The following DTNA variants were observed in gnomAD, a reference collection of about 807,000 sequenced individuals.
DTNA encodes dystrophin-related protein 3.
A neutral mutation model predicts 100.7 loss-of-function variants in DTNA; 43 were observed. That is an observed-to-expected ratio of 0.43 (90% confidence interval 0.33 to 0.55). The LOEUF (loss-of-function observed/expected upper bound fraction) is 0.55, where lower values mean the gene tolerates loss of function less well. Ranked by LOEUF, DTNA falls within the 20% of genes least tolerant of loss-of-function variation. The pLI, the probability that DTNA is intolerant of heterozygous loss-of-function variation, is 0.04. For missense variants in DTNA, 798 were observed against 953.9 expected (o/e 0.84, Z 2.15); for synonymous variants, 349 against 347.9 (o/e 1.00, Z -0.04).
intron 13 of DTNA, among the ~76,000 whole-genome samples, chr18:34,843,167 A>G (rs1021618596): frequency 2.0e-5 from 3 of 152,204 alleles, no homozygotes; most frequent in African/African-American, 7.2e-5. Context: ...AATCACTATT[A>G]TAGAGTAGCA....
At chr18:34,794,333 T>TTA in intron 4 of DTNA, 83 bp downstream of exon 4, 1 of 1,494,802 alleles carries the variant, frequency 6.7e-7, no homozygotes, top group Admixed American at 1.7e-5. Context: ...CCAAACAATT[T>TTA]TATATCTCTC....
At chr18:34,846,141 T>A (rs2096373483) in intron 13 of DTNA, among the ~76,000 whole-genome samples, 1 of 152,146 alleles carries the variant, frequency 6.6e-6, no homozygotes, top group Non-Finnish European at 1.5e-5. Context: ...TCTTGGAAGC[T>A]TGTTAGAAAT....
intron 1 of DTNA, among the ~76,000 whole-genome samples, chr18:34,573,323 C>G (rs558636919): frequency 3.3e-5 from 5 of 152,306 alleles, no homozygotes; most frequent in Admixed American, 2.6e-4. Flanking sequence ...AAATGCCTCT[C>G]AAAACTTTAT....
At chr18:34,655,283 T>C (rs1436865963) in intron 1 of DTNA, among the ~76,000 whole-genome samples, 1 of 152,104 alleles carries the variant, frequency 6.6e-6, no homozygotes, top group Non-Finnish European at 1.5e-5. Context: ...CTTACATAAT[T>C]GGTGTTACTT....
intron 1 of DTNA, among the ~76,000 whole-genome samples, chr18:34,694,308 CA>C (rs1203811628): frequency 2.0e-5 from 3 of 152,244 alleles, no homozygotes; most frequent in Middle Eastern, 3.4e-3. Context: ...GTTTTTCCAT[CA>C]AAAACTAGAA....
At chr18:34,535,122 G>A (rs763851653) in intron 1 of DTNA, among the ~76,000 whole-genome samples, 6 of 152,088 alleles carry the variant, frequency 3.9e-5, no homozygotes, top group South Asian at 2.1e-4. Flanking sequence ...GTGTAAAAGC[G>A]TTCCTATTTC....
intron 1 of DTNA, among the ~76,000 whole-genome samples, chr18:34,586,988 G>T (rs1371589685): frequency 6.6e-6 from 1 of 151,338 alleles, no homozygotes; most frequent in Non-Finnish European, 1.5e-5. Flanking sequence ...TGGAGACAAG[G>T]TCTTTCTCTG....
At chr18:34,856,182 T>A (rs2096550676) in intron 15 of DTNA, among the ~76,000 whole-genome samples, 1 of 152,146 alleles carries the variant, frequency 6.6e-6, no homozygotes, top group Non-Finnish European at 1.5e-5. Context: ...CCCCAACCCA[T>A]CTCTGATGAG....
intron 1 of DTNA, among the ~76,000 whole-genome samples, chr18:34,535,374 T>C (rs947372307): frequency 6.6e-6 from 1 of 152,150 alleles, no homozygotes; most frequent in Non-Finnish European, 1.5e-5. Flanking sequence ...TTCTTGTAGA[T>C]TCTGGATTAA....
intron 11 of DTNA, 48 bp downstream of exon 11, chr18:34,829,537 C>T: frequency 1.4e-6 from 2 of 1,445,602 alleles, no homozygotes; most frequent in Non-Finnish European, 1.8e-6. Context: ...AGTTCCATAG[C>T]TAGACTGATA....
At chr18:34,858,522 T>C (rs569253157) in intron 16 of DTNA, 124 bp downstream of exon 16, 1 of 905,200 alleles carries the variant, frequency 1.1e-6, no homozygotes, top group South Asian at 1.4e-5. Context: ...GTTTTTTTCA[T>C]AGCACACACG....
chr18:34,585,586 C>G (rs1209033761), intron 1 of DTNA, among the ~76,000 whole-genome samples: 1 of 151,786 alleles, frequency 6.6e-6, no homozygotes, highest in Non-Finnish European at 1.5e-5. Context: ...AGGTAGGTGA[C>G]AGGGAGGCAG....
Position 34,890,019 on chromosome 18 carries a change from C to A in DTNA, c.*2285C>A. The A allele has an allele frequency of 1.6e-6, 2 of 1,249,364 alleles. No homozygotes were observed. Among genetic ancestry groups the A allele is most frequent in the Admixed American group, 3.8e-5 (1 of 26,544 alleles). 77.4% of individuals were successfully genotyped at this position (1,249,364 alleles called of 1,614,324 possible). On this transcript the variant is annotated 3_prime_UTR_variant, in exon 23 of 23. Transcript: ENST00000444659. ...TAATGCTGTCAGCTCAAAATCATAG[C>A]CAGGTAGTTCTTGAACTCAGAACTT...
intron 17 of DTNA, among the ~76,000 whole-genome samples, chr18:34,871,197 T>C (rs1164918892): frequency 6.6e-6 from 1 of 152,158 alleles, no homozygotes; most frequent in Admixed American, 6.5e-5. Flanking sequence ...CAATTAGACA[T>C]TTGCTCCTTT....
intron 1 of DTNA, among the ~76,000 whole-genome samples, chr18:34,526,939 A>G (rs1431640421): frequency 1.3e-5 from 2 of 152,156 alleles, no homozygotes; most frequent in African/African-American, 2.4e-5. Flanking sequence ...CAATGCTGTG[A>G]TGATTTGTGG....
Position 34,875,240 on chromosome 18 carries a change from C to T in DTNA, c.1745C>T (p.Thr582Ile), listed in dbSNP as rs1039162939. 1.2e-6 allele frequency: 2 copies of T among 1,613,758 alleles called. No individual in the cohort carries two copies. Among genetic ancestry groups the T allele is most frequent in the Non-Finnish European group, 1.7e-6 (2 of 1,179,852 alleles). The change falls in exon 18 of 23, where the codon ACT becomes ATT. Residue 582 changes from threonine to isoleucine, a missense_variant and splice_region_variant. Transcript: ENST00000444659. ...QLEGLMKLLK[T>I]QGAGSPRSSP... ...TAATGACCTGCATTGTCTCTCCAGA[C>T]TCAGGGGGCAGGCTCTCCCCGCTCC...
At chr18:34,727,990 G>A (rs1439029218) in intron 1 of DTNA, among the ~76,000 whole-genome samples, 1 of 152,042 alleles carries the variant, frequency 6.6e-6, no homozygotes, top group African/African-American at 2.4e-5. Flanking sequence ...AATAAAGCAA[G>A]GTATCCTTAA....
chr18:34,689,177 TG>T (rs1231620469), intron 1 of DTNA, among the ~76,000 whole-genome samples: 2 of 152,182 alleles, frequency 1.3e-5, no homozygotes, highest in Non-Finnish European at 2.9e-5. Context: ...CATCCAGTTT[TG>T]TTCCCTTGCT....
chr18:34,616,947 A>C (rs1437895816), intron 1 of DTNA, among the ~76,000 whole-genome samples: 1 of 152,148 alleles, frequency 6.6e-6, no homozygotes, highest in Non-Finnish European at 1.5e-5. Context: ...GAATGAAGAA[A>C]TGCTACTGAT....
Sources: allele counts gnomAD v4.1 joint callset (sites outside exome capture counted in the v4.1 genomes callset), GRCh38; gene constraint gnomAD v4.1.1; transcripts MANE v1.5; gene names NCBI Gene and HGNC (gene_info 2026-07-23, HGNC 2026-07-21).